The following SBNO1 variants were observed in gnomAD, a reference collection of about 807,000 sequenced individuals.
SBNO1 encodes strawberry notch homolog 1, also known as protein strawberry notch homolog 1.
A neutral mutation model predicts 173.6 loss-of-function variants in SBNO1; 23 were observed. The ratio of observed to expected loss-of-function variants is 0.13; its 90% CI spans 0.10 to 0.19. The LOEUF is 0.19. SBNO1 is among the 10% of genes least tolerant of loss of function. The pLI is 1.00. For synonymous variants in SBNO1, 632 were observed against 571.5 expected (o/e 1.11, Z -1.51); for missense variants, 1,238 against 1,671.2 (o/e 0.74, Z 4.52).
At chr12:123,296,259 T>G (rs1479148752) in intron 31 of SBNO1, among the ~76,000 whole-genome samples, 1 of 147,486 alleles carries the variant, frequency 6.8e-6, no homozygotes, top group Non-Finnish European at 1.5e-5. Context: ...AGCATATGCA[T>G]GTGTTTAGTG....
chr12:123,348,198 G>T, intron 2 of SBNO1, 65 bp from the exon 3 acceptor site: 2 of 898,080 alleles, frequency 2.2e-6, no homozygotes, highest in African/African-American at 1.7e-5. Context: ...TCAAGGACAA[G>T]GTTTGCATTT....
intron 8 of SBNO1, 70 bp downstream of exon 8, chr12:123,331,172 C>G: frequency 2.7e-6 from 4 of 1,496,990 alleles, no homozygotes; most frequent in Non-Finnish European, 3.7e-6. Flanking sequence ...CTGTGTTAGC[C>G]AGGATGGTCT....
chr12:123,342,148 G>A (rs1872642534), intron 4 of SBNO1, among the ~76,000 whole-genome samples: 1 of 152,112 alleles, frequency 6.6e-6, no homozygotes, highest in Non-Finnish European at 1.5e-5. Flanking sequence ...CTACTTGGGA[G>A]GCTGAGGCAG....
At chr12:123,355,475 G>A (rs1190038086) in intron 1 of SBNO1, among the ~76,000 whole-genome samples, 1 of 152,092 alleles carries the variant, frequency 6.6e-6, no homozygotes, top group Admixed American at 6.6e-5. Flanking sequence ...GTGGTGGCGG[G>A]CGCCTGTAAT....
Position 123,364,214 on chromosome 12 carries a change from G to A in SBNO1, c.-1+487C>T, listed in dbSNP as rs1450658641. ...GTTCAGATTTAGGAAGGACGACCGC[G>A]TCGCCTGCCTCCCTCCCTCGCCCAG... On this transcript the variant is annotated intron_variant, in intron 1 of 31. Coordinates refer to ENST00000602398, the MANE Select transcript of SBNO1 (RefSeq NM_001167856.3). 1.0e-5 allele frequency: 10 copies of A among 985,496 alleles called. No individual in the cohort carries two copies. In the South Asian group the frequency reaches 2.3e-4, roughly 23 times the overall value. The allele number at this position is 985,496 out of a possible 1,614,324, so 61.0% of individuals were successfully genotyped here. A position where few individuals can be genotyped will look rare whatever the true frequency, so the allele number is the denominator to read the frequency against.
rs769476504 is a variant in SBNO1, at chr12:123,320,045, C to T, written c.2668-14G>A. 1.9e-5 allele frequency: 31 copies of T among 1,613,748 alleles called. No homozygotes were observed. The highest frequency in any genetic ancestry group is 2.3e-5 in the Non-Finnish European group (27 of 1,179,896). On this transcript the variant is annotated splice_polypyrimidine_tract_variant and intron_variant, in intron 19 of 31. Transcript: ENST00000602398. ...GCGGCCAGTCATCTGAGAAGCCAAA[C>T]AATGTCATTACAATGAAGGTATCTG...
At chr12:123,301,932 G>C (rs983727828) in intron 30 of SBNO1, among the ~76,000 whole-genome samples, 1 of 149,540 alleles carries the variant, frequency 6.7e-6, no homozygotes, top group Non-Finnish European at 1.5e-5. Context: ...GAAGGAGGGC[G>C]AAAAAGTGGT....
At chr12:123,335,745 T>C (rs1363210263) in intron 6 of SBNO1, among the ~76,000 whole-genome samples, 2 of 152,258 alleles carry the variant, frequency 1.3e-5, no homozygotes, top group Admixed American at 6.5e-5. Flanking sequence ...AGATTTAGTT[T>C]GCTGTCCTCT....
intron 28 of SBNO1, among the ~76,000 whole-genome samples, chr12:123,305,991 T>G (rs75801600): frequency 0.088 from 13,332 of 152,198 alleles, 1,633 homozygotes; most frequent in African/African-American, 0.28. Context: ...AATAAATCAT[T>G]GTTTGCGGGG....
chr12:123,296,612 G>A (rs1317032520), intron 31 of SBNO1, among the ~76,000 whole-genome samples: 1 of 151,148 alleles, frequency 6.6e-6, no homozygotes, highest in Non-Finnish European at 1.5e-5. Context: ...CCAGGCTGGA[G>A]TGCAGTGGCA....
chr12:123,321,011 C>T (rs544452308), intron 17 of SBNO1, 145 bp from the exon 18 acceptor site: 125 of 617,606 alleles, frequency 2.0e-4, no homozygotes, highest in African/African-American at 7.2e-4. Context: ...GCAATCTCAG[C>T]TTACTGCAAT....
chr12:123,344,338 T>C (rs1872870647), intron 4 of SBNO1, among the ~76,000 whole-genome samples: 1 of 152,074 alleles, frequency 6.6e-6, no homozygotes, highest in African/African-American at 2.4e-5. Flanking sequence ...CAGGTTGCAG[T>C]CAGTTCAGGA....
intron 1 of SBNO1, chr12:123,363,916 C>T (rs1875731649): frequency 6.1e-6 from 6 of 985,454 alleles, no homozygotes; most frequent in Non-Finnish European, 7.2e-6. Flanking sequence ...ATCTCCTCAG[C>T]GGTTAAACCG....
At chr12:123,349,776 G>A (rs1170190688) in intron 2 of SBNO1, among the ~76,000 whole-genome samples, 8 of 152,010 alleles carry the variant, frequency 5.3e-5, no homozygotes, top group Non-Finnish European at 8.8e-5. Flanking sequence ...TTAGCCAGGC[G>A]TCGTGGCCCA....
At chr12:123,331,171 C>A (rs1405711541) in intron 8 of SBNO1, 71 bp downstream of exon 8, 1 of 1,488,332 alleles carries the variant, frequency 6.7e-7, no homozygotes, top group Non-Finnish European at 9.3e-7. Context: ...ACTGTGTTAG[C>A]CAGGATGGTC....
intron 1 of SBNO1, among the ~76,000 whole-genome samples, chr12:123,350,890 G>C (rs1356384033): frequency 6.6e-6 from 1 of 151,898 alleles, no homozygotes; most frequent in Non-Finnish European, 1.5e-5. Flanking sequence ...AGGAAGCAAA[G>C]CCAGGTGGAT....
chr12:123,303,491 C>CA lies in SBNO1; in HGVS notation c.3769-592dup, dbSNP rs971871764. Reference sequence around the variant, plus strand: ...TGAAATTCCGTCTCTACTAAACATACAAAAAAAAACTAGCCAGGTGTGTGG... The same window carrying CA: ...TGAAATTCCGTCTCTACTAAACATACAAAAAAAAAACTAGCCAGGTGTGTGG... On this transcript the variant is annotated intron_variant, in intron 29 of 31. Transcript: ENST00000602398. 1.8e-3 allele frequency among the ~76,000 whole-genome samples: 275 copies of CA among 151,064 alleles called. 2 individuals carry two copies. The highest frequency in any genetic ancestry group is 2.7e-3 in the Non-Finnish European group (180 of 67,704).
intron 24 of SBNO1, among the ~76,000 whole-genome samples, chr12:123,311,336 A>G (rs1285398787): frequency 6.6e-6 from 1 of 152,196 alleles, no homozygotes; most frequent in East Asian, 1.9e-4. Context: ...AAGGAGGGTT[A>G]AGGGGACTGT....
At chr12:123,313,555 C>T (rs916357481) in intron 24 of SBNO1, 65 bp downstream of exon 24, 6 of 859,386 alleles carry the variant, frequency 7.0e-6, no homozygotes, top group Non-Finnish European at 1.1e-5. Flanking sequence ...GCAAACATTA[C>T]AACAGGTTTG....
Sources: allele counts gnomAD v4.1 joint callset (sites outside exome capture counted in the v4.1 genomes callset), GRCh38; gene constraint gnomAD v4.1.1; transcripts MANE v1.5; gene names NCBI Gene and HGNC (gene_info 2026-07-23, HGNC 2026-07-21).